ZNF385A: variants seen among roughly 807,000 people sequenced by gnomAD.
The protein encoded by ZNF385A is hematopoietic zinc finger protein.
A neutral mutation model predicts 32.1 loss-of-function variants in ZNF385A; 14 were observed. The ratio of observed to expected loss-of-function variants is 0.44; its 90% CI spans 0.29 to 0.68. The LOEUF (loss-of-function observed/expected upper bound fraction) is 0.68, where lower values mean the gene tolerates loss of function less well. Ranked by LOEUF, ZNF385A falls within the 30% of genes least tolerant of loss-of-function variation. The pLI, the probability that ZNF385A is intolerant of heterozygous loss-of-function variation, is 0.14. For synonymous variants in ZNF385A, 197 were observed against 202.7 expected (o/e 0.97, Z 0.24); for missense variants, 406 against 478.4 (o/e 0.85, Z 1.41).
intron 1 of ZNF385A, chr12:54,379,122 G>C (rs1167695198): frequency 1.0e-6 from 1 of 981,580 alleles, no homozygotes; most frequent in East Asian, 1.1e-4. Context: ...CCCGGGCTGG[G>C]GGGCCGCGCC....
intron 1 of ZNF385A, chr12:54,391,187 AGAGAGGAACCCAG>A: frequency 6.8e-7 from 1 of 1,477,912 alleles, no homozygotes; most frequent in South Asian, 1.3e-5. Flanking sequence ...GGTGACCCAC[AGAGAGGAACCCAG>A]GAGCCGGGAG....
chr12:54,382,300 T>C (rs1592261689), intron 1 of ZNF385A, among the ~76,000 whole-genome samples: 1 of 151,908 alleles, frequency 6.6e-6, no homozygotes, highest in East Asian at 1.9e-4. Context: ...GGTCTCAATC[T>C]CCTGACCTTG....
chr12:54,370,176 A>C lies in ZNF385A; in HGVS notation c.*80T>G. The C allele has an allele frequency of 8.0e-6, 8 of 997,036 alleles. No individual in the cohort carries two copies. The highest frequency in any genetic ancestry group is 3.6e-5 in the African/African-American group (2 of 55,696). The allele number at this position is 997,036 out of a possible 1,614,324, so 61.8% of individuals were successfully genotyped here. On this transcript the variant is annotated 3_prime_UTR_variant, in exon 7 of 7. Coordinates refer to ENST00000394313, the MANE Select transcript of ZNF385A (RefSeq NM_015481.3). This position sits in a 1 kb window ranked among gnomAD's most constrained non-coding sequence, Gnocchi z 5.5. ...GAGAGATCATTTAGGGAGTGCCGGG[A>C]GGAGGGGCGGGCTGGGAGCCCGGAC... is the stretch of plus-strand genomic sequence containing the variant.
rs1234487029 is a variant in ZNF385A, at chr12:54,370,389, C to A, written c.968G>T (p.Gly323Val). The change falls in exon 7 of 7, where the codon GGC becomes GTC. Residue 323 changes from glycine (G) to valine (V), a missense_variant. Coordinates refer to ENST00000394313, the MANE Select transcript of ZNF385A (RefSeq NM_015481.3). The surrounding 1 kb of genome is among the most constrained non-coding windows in gnomAD (Gnocchi z 5.5). ...AVAAVMAAAAGSPLSLRPAPA... is the reference protein window; with the variant it reads ...AVAAVMAAAAVSPLSLRPAPA... Reference sequence around the variant, plus strand: ...AGCCGGGCGCAGGGACAGCGGCGAGCCTGCTGCCGCTGCCATCACTGCAGC... The same window carrying A: ...AGCCGGGCGCAGGGACAGCGGCGAGACTGCTGCCGCTGCCATCACTGCAGC... The A allele has an allele frequency of 1.3e-6, 2 of 1,528,224 alleles. No homozygotes were observed. The highest frequency in any genetic ancestry group is 2.1e-5 in the Admixed American group (1 of 47,596). 94.7% of individuals were successfully genotyped at this position (1,528,224 alleles called of 1,614,324 possible).
intron 2 of ZNF385A, 34 bp downstream of exon 2, chr12:54,375,804 TGCCCCA>T: frequency 6.3e-7 from 1 of 1,582,584 alleles, no homozygotes; most frequent in Non-Finnish European, 8.7e-7. Context: ...CTGCTGCCCC[TGCCCCA>T]CCCACTGGGT....
chr12:54,374,431 G>A (rs1954732469), intron 2 of ZNF385A, among the ~76,000 whole-genome samples: 1 of 152,138 alleles, frequency 6.6e-6, no homozygotes, highest in Non-Finnish European at 1.5e-5. Flanking sequence ...GTAGAGACAG[G>A]GGGACCACAA....
chr12:54,383,525 T>A (rs2137282209), intron 1 of ZNF385A, among the ~76,000 whole-genome samples: 1 of 152,372 alleles, frequency 6.6e-6, no homozygotes, highest in South Asian at 2.1e-4. Flanking sequence ...TCCTCCTGCC[T>A]CTGTTCCCTT....
chr12:54,371,821 TC>T, intron 3 of ZNF385A, 106 bp from the exon 4 acceptor site: 1 of 1,507,738 alleles, frequency 6.6e-7, no homozygotes, highest in Non-Finnish European at 9.0e-7. Flanking sequence ...GGACCAGGAG[TC>T]CCCACCCTGT....
chr12:54,380,701 C>T (rs1419913693), intron 1 of ZNF385A, among the ~76,000 whole-genome samples: 1 of 152,178 alleles, frequency 6.6e-6, no homozygotes, highest in East Asian at 1.9e-4. Context: ...AAGGCCTTGA[C>T]CATCCTAAGT....
At position 54,379,299 on chromosome 12, in the gene ZNF385A, G is replaced by T. The variant is rs1430657307; in HGVS notation, c.88-3345C>A. ...GGGACAGGGACAGGGACAGGGACAG[G>T]GAGCTGAAGAGGAATGAAAGGGGGC... is the stretch of plus-strand genomic sequence containing the variant. On this transcript the variant is annotated intron_variant, in intron 1 of 6. Transcript: ENST00000394313. The T allele has an allele frequency of 2.8e-5, 18 of 653,672 alleles. No homozygotes were observed. The South Asian group carries it at 1.1e-3, about 39-fold the overall frequency. The allele number at this position is 653,672 out of a possible 1,614,324, so 40.5% of individuals were successfully genotyped here.
At chr12:54,378,483 G>A (rs766421559) in intron 1 of ZNF385A, among the ~76,000 whole-genome samples, 2 of 152,168 alleles carry the variant, frequency 1.3e-5, no homozygotes, top group African/African-American at 2.4e-5. Context: ...GAAGGGCAAG[G>A]GAGAGGGAAG....
At chr12:54,373,117 A>AG (rs776806887) in intron 3 of ZNF385A, 1 of 124,480 alleles carries the variant, frequency 8.0e-6, no homozygotes, top group African/African-American at 3.7e-5. Flanking sequence ...TGCATCCCTG[A>AG]GGGGGTTCTG....
At chr12:54,387,283 G>A (rs1955514525), upstream of ZNF385A, among the ~76,000 whole-genome samples, 1 of 152,210 alleles carries the variant, frequency 6.6e-6, no homozygotes, top group Non-Finnish European at 1.5e-5. Context: ...GAGCGGGGGA[G>A]GGGAGGGGAG....
At chr12:54,379,086 G>A (rs1954997802) in intron 1 of ZNF385A, 2 of 982,946 alleles carry the variant, frequency 2.0e-6, no homozygotes, top group Non-Finnish European at 2.4e-6. Context: ...CCTGGGGGCC[G>A]CGGCTCCATG....
rs1321652121 is a variant in ZNF385A at position 54,373,326 on chromosome 12, G to T, written c.361+647C>A. Reference sequence around the variant, plus strand: ...ACATCCGATGTGGTAATCCCAGGATGGGGGTGGCTCATCATATCTTCCTGT... The same window carrying T: ...ACATCCGATGTGGTAATCCCAGGATTGGGGTGGCTCATCATATCTTCCTGT... On this transcript the variant is annotated intron_variant, in intron 3 of 6. Transcript: ENST00000394313. Among the ~76,000 whole-genome samples, 3 of 152,106 alleles carry T rather than the reference G, an allele frequency of 2.0e-5. No homozygotes were observed. The East Asian group carries it at 5.8e-4, about 29-fold the overall frequency.
Position 54,370,031 on chromosome 12 carries a change from G to A in ZNF385A, c.*225C>T. The A allele has an allele frequency of 2.4e-6, 1 of 419,402 alleles. No individual in the cohort carries two copies. The highest frequency in any genetic ancestry group is 4.2e-6 in the Non-Finnish European group (1 of 237,728). The allele number at this position is 419,402 out of a possible 1,614,324, so 26.0% of individuals were successfully genotyped here. A position where few individuals can be genotyped will look rare whatever the true frequency, so the allele number is the denominator to read the frequency against. On this transcript the variant is annotated 3_prime_UTR_variant, in exon 7 of 7. Transcript: ENST00000394313. The surrounding 1 kb of genome is among the most constrained non-coding windows in gnomAD (Gnocchi z 5.5). Reference sequence around the variant, plus strand: ...ACGGCCCCCCCTTTTCTAGGGGAGAGGGAAAGGCAGGGGGCGGGGTTCCCT... The same window carrying A: ...ACGGCCCCCCCTTTTCTAGGGGAGAAGGAAAGGCAGGGGGCGGGGTTCCCT...
At position 54,369,552 on chromosome 12, in the gene ZNF385A, G is replaced by A. The variant is rs1452571105; in HGVS notation, c.*704C>T. 1.3e-5 allele frequency: 2 copies of A among 152,934 alleles called. No homozygotes were observed. The highest frequency in any genetic ancestry group is 4.8e-5 in the African/African-American group (2 of 41,426). The allele number at this position is 152,934 out of a possible 1,614,324, so 9.5% of individuals were successfully genotyped here. A position where few individuals can be genotyped will look rare whatever the true frequency, so the allele number is the denominator to read the frequency against. ...CCCTTGCCCCCCTCGGTACCCCTTG[G>A]GCGATGGGTGCTGGTGAAAAGAATG... is the stretch of plus-strand genomic sequence containing the variant. On this transcript the variant is annotated 3_prime_UTR_variant, in exon 7 of 7. Transcript: ENST00000394313.
At position 54,375,892 on chromosome 12, in the gene ZNF385A, C is replaced by G. The variant is rs1403667347; in HGVS notation, c.150G>C (p.Lys50Asn). The G allele has an allele frequency of 6.2e-7, 1 of 1,614,168 alleles. No homozygotes were observed. Among genetic ancestry groups the G allele is most frequent in the South Asian group, 1.1e-5 (1 of 91,086 alleles). The change falls in exon 2 of 7, where the codon AAG becomes AAC. Residue 50 changes from lysine (K) to asparagine (N), a missense_variant. Lys to Asn is a moderately conservative substitution (Grantham distance 94). Transcript: ENST00000394313. The part of the protein sequence containing the change: ...HTFGGPLLKT[K>N]RPVISCNICQ... The stretch of plus-strand genomic sequence containing the variant: ...AGATATTACAGGAAATGACGGGCCG[C>G]TTGGTCTTGAGCAAGGGTCCCCCAA...
At chr12:54,377,129 C>A (rs1296545114) in intron 1 of ZNF385A, among the ~76,000 whole-genome samples, 1 of 152,198 alleles carries the variant, frequency 6.6e-6, no homozygotes, top group Non-Finnish European at 1.5e-5. Flanking sequence ...TAGTAAGAGT[C>A]TGGAAAGCCC....
Sources: gnomAD v4.1 joint callset for allele counts (sites outside exome capture counted in the v4.1 genomes callset) on GRCh38, gnomAD v4.1.1 for gene constraint, Gnocchi (gnomAD v3.1) non-coding constraint, MANE v1.5 for transcripts, NCBI Gene and HGNC (gene_info 2026-07-23, HGNC 2026-07-21) for gene names.